Variants in CDH12 observed in about 807,000 individuals in gnomAD.
CDH12 encodes the protein cadherin 12.
CDH12 carries 41 observed loss-of-function variants against 74.1 expected under a neutral mutation model. The observed-to-expected ratio is 0.55, with a 90% confidence interval of 0.43 to 0.72. CDH12 has a LOEUF of 0.72. Among genes scored for constraint, CDH12 ranks in the 30% least tolerant of loss-of-function variants. The pLI is 0.00. For synonymous variants in CDH12, 399 were observed against 355.0 expected (o/e 1.12, Z -1.39); for missense variants, 945 against 977.2 (o/e 0.97, Z 0.44).
At chr5:22,768,850 T>C (rs998603525) in intron 1 of CDH12, among the ~76,000 whole-genome samples, 1 of 152,158 alleles carries the variant, frequency 6.6e-6, no homozygotes, top group African/African-American at 2.4e-5. Context: ...AATCCCAGTA[T>C]AAAATTAAAC....
At chr5:21,981,689 ATTT>A (rs1356105244) in intron 5 of CDH12, among the ~76,000 whole-genome samples, 4 of 151,912 alleles carry the variant, frequency 2.6e-5, no homozygotes, top group Admixed American at 6.6e-5. Flanking sequence ...GGCCTTAGGT[ATTT>A]TTTGTTTTTT....
chr5:22,441,267 G>A (rs1488749773), intron 2 of CDH12, among the ~76,000 whole-genome samples: 1 of 152,056 alleles, frequency 6.6e-6, no homozygotes, highest in Non-Finnish European at 1.5e-5. Context: ...ATGTTCTGTT[G>A]GGAGGTAACT....
intron 5 of CDH12, among the ~76,000 whole-genome samples, chr5:21,997,491 C>A (rs1045746795): frequency 6.6e-6 from 1 of 152,054 alleles, no homozygotes; most frequent in Non-Finnish European, 1.5e-5. Context: ...AAAGTGAGAG[C>A]TGTAAACCTG....
intron 4 of CDH12, among the ~76,000 whole-genome samples, chr5:22,139,860 T>C (rs566076911): frequency 3.3e-4 from 50 of 152,266 alleles, no homozygotes; most frequent in African/African-American, 1.1e-3. Context: ...TCTCAGTTCA[T>C]AGATATGAGA....
chr5:21,813,124 T>C (rs1008976254), intron 9 of CDH12, among the ~76,000 whole-genome samples: 1 of 152,196 alleles, frequency 6.6e-6, no homozygotes, highest in African/African-American at 2.4e-5. Context: ...AACTGAGCTA[T>C]TGCTTTCATT....
At chr5:21,859,494 T>C (rs1750922504) in intron 6 of CDH12, among the ~76,000 whole-genome samples, 1 of 151,924 alleles carries the variant, frequency 6.6e-6, no homozygotes, top group Admixed American at 6.6e-5. Flanking sequence ...GTATATGCTC[T>C]GAATCAGTGT....
rs374590585 is a variant in CDH12, at chr5:21,870,750, G to T, written c.527-15960C>A. ...CAAGAATTAGTGTGTTTTTGTTTTT[G>T]ATACAGTGTCTCACTCTGTCACCCA... On this transcript the variant is annotated intron_variant, in intron 6 of 14. Transcript: ENST00000382254. Among the ~76,000 whole-genome samples the T allele has an allele frequency of 2.6e-5, 4 of 152,070 alleles. No individual in the cohort carries two copies. In the East Asian group the frequency reaches 5.8e-4, roughly 22 times the overall value.
At chr5:22,758,344 C>T (rs190512429) in intron 1 of CDH12, among the ~76,000 whole-genome samples, 17 of 152,194 alleles carry the variant, frequency 1.1e-4, no homozygotes, top group African/African-American at 1.9e-4. Context: ...ACCCTTCTGG[C>T]GAAGCATCTC....
At chr5:22,612,531 T>A (rs1452948424) in intron 1 of CDH12, among the ~76,000 whole-genome samples, 1 of 152,132 alleles carries the variant, frequency 6.6e-6, no homozygotes, top group Admixed American at 6.6e-5. Context: ...CCTTTTATTA[T>A]TTTCTTTTTA....
At chr5:21,977,932 T>C (rs1757138928) in intron 5 of CDH12, among the ~76,000 whole-genome samples, 1 of 149,188 alleles carries the variant, frequency 6.7e-6, no homozygotes, top group Non-Finnish European at 1.5e-5. Context: ...TGACAGGTAA[T>C]ATTTAAAATT....
At chr5:22,683,409 C>T (rs1335558420) in intron 1 of CDH12, among the ~76,000 whole-genome samples, 1 of 152,088 alleles carries the variant, frequency 6.6e-6, no homozygotes, top group Admixed American at 6.6e-5. Context: ...ACTTCAGTAA[C>T]ACACATGTAA....
In CDH12 at chr5:22,405,292, T is replaced by C. The variant is rs949588004; in HGVS notation, c.-368A>G. Reference sequence around the variant, plus strand: ...CAATTTATTTTCTAAGGCCAGCTTATGTATCTCAAATTGTTTTGACCTCCA... The same window carrying C: ...CAATTTATTTTCTAAGGCCAGCTTACGTATCTCAAATTGTTTTGACCTCCA... On this transcript the variant is annotated 5_prime_UTR_variant, in exon 3 of 15. Coordinates refer to ENST00000382254, the MANE Select transcript of CDH12 (RefSeq NM_004061.5). The C allele has an allele frequency of 2.0e-6, 2 of 978,830 alleles. No individual in the cohort carries two copies. Among genetic ancestry groups the C allele is most frequent in the South Asian group, 4.7e-5 (1 of 21,176 alleles). The allele number at this position is 978,830 out of a possible 1,614,324, so 60.6% of individuals were successfully genotyped here.
intron 1 of CDH12, among the ~76,000 whole-genome samples, chr5:22,817,439 G>T (rs904232148): frequency 1.3e-5 from 2 of 151,850 alleles, no homozygotes; most frequent in East Asian, 1.9e-4. Flanking sequence ...ACATGAAAAG[G>T]TAATTAAAAC....
chr5:22,709,067 G>A (rs1360629840), intron 1 of CDH12, among the ~76,000 whole-genome samples: 1 of 152,090 alleles, frequency 6.6e-6, no homozygotes, highest in African/African-American at 2.4e-5. Flanking sequence ...AAATGTGGAT[G>A]GGGGTGACAT....
chr5:22,801,684 T>TATATATATATAC (rs1561041162), intron 1 of CDH12, among the ~76,000 whole-genome samples: 1 of 89,296 alleles, frequency 1.1e-5, no homozygotes, highest in Admixed American at 1.3e-4. Context: ...TATATATATA[T>TATATATATATAC]ACACTTTGTT....
At chr5:22,678,269 C>A (rs1741318377) in intron 1 of CDH12, among the ~76,000 whole-genome samples, 1 of 152,052 alleles carries the variant, frequency 6.6e-6, no homozygotes, top group Admixed American at 6.6e-5. Flanking sequence ...GTTCTATACA[C>A]ACAATTTTTC....
intron 2 of CDH12, among the ~76,000 whole-genome samples, chr5:22,470,140 C>G (rs1745897194): frequency 6.6e-6 from 1 of 152,090 alleles, no homozygotes; most frequent in Non-Finnish European, 1.5e-5. Flanking sequence ...CAATTTGCTG[C>G]TTCTAAGCAT....
chr5:22,716,983 T>G (rs1743612389), intron 1 of CDH12, among the ~76,000 whole-genome samples: 1 of 152,196 alleles, frequency 6.6e-6, no homozygotes, highest in Non-Finnish European at 1.5e-5. Flanking sequence ...TTAAGCTAAG[T>G]GCTATTACAA....
intron 11 of CDH12, among the ~76,000 whole-genome samples, chr5:21,773,903 A>C (rs1380466624): frequency 6.6e-6 from 1 of 152,162 alleles, no homozygotes; most frequent in Non-Finnish European, 1.5e-5. Context: ...CATTTAGGTT[A>C]ATGATTAGTG....
Sources: allele counts gnomAD v4.1 joint callset (sites outside exome capture counted in the v4.1 genomes callset), GRCh38; gene constraint gnomAD v4.1.1; transcripts MANE v1.5; gene names NCBI Gene and HGNC (gene_info 2026-07-23, HGNC 2026-07-21).